Variants in TYMS observed in about 807,000 individuals in gnomAD.
TYMS encodes the protein thymidylate synthetase.
Under a neutral mutation model 39.3 loss-of-function variants are expected in TYMS, and 21 were observed. The ratio of observed to expected loss-of-function variants is 0.54; its 90% CI spans 0.38 to 0.77. TYMS has a LOEUF of 0.77. TYMS is among the 30% of genes least tolerant of loss of function. TYMS has a pLI of 0.00. For synonymous variants in TYMS, 171 were observed against 162.2 expected (o/e 1.05, Z -0.41); for missense variants, 273 against 406.7 (o/e 0.67, Z 2.83).
rs1288512911 is a variant in TYMS at position 666,985 on chromosome 18, GGT to G, written c.455-2085_455-2084del. 2.7e-4 allele frequency among the ~76,000 whole-genome samples: 2 copies of G among 7,274 alleles called. 1 individual carries two copies. The highest frequency in any genetic ancestry group is 7.4e-4 in the Non-Finnish European group (2 of 2,700). 4.8% of individuals were successfully genotyped at this position (7,274 alleles called of 152,430 possible). On this transcript the variant is annotated intron_variant, in intron 3 of 6. Coordinates refer to ENST00000323274, the MANE Select transcript of TYMS (RefSeq NM_001071.4). ...TGGAGATGGTGATGGAGATGGAGAT[GGT>G]GATGGTGATGGAGATGGTGATGGTG...
Position 666,914 on chromosome 18 carries a change from GTGATGGAGATGGT to G in TYMS, c.455-2157_455-2145del, listed in dbSNP as rs1567989407. 9.2e-5 allele frequency among the ~76,000 whole-genome samples: 6 copies of G among 64,910 alleles called. 2 individuals are homozygous for G. In the South Asian group the frequency reaches 3.4e-3, roughly 37 times the overall value. The allele number at this position is 64,910 out of a possible 152,430, so 42.6% of individuals were successfully genotyped here. ...GGAGATGGTGATGGAGATGGTGATGGTGATGGAGATGGTGATGGTGATGGAGATGGTGATGGTG... is the reference window on the plus strand; with the variant it reads ...GGAGATGGTGATGGAGATGGTGATGGGATGGTGATGGAGATGGTGATGGTG... On this transcript the variant is annotated intron_variant, in intron 3 of 6. Coordinates refer to ENST00000323274, the MANE Select transcript of TYMS (RefSeq NM_001071.4).
At chr18:667,191 A>T (rs201322154) in intron 3 of TYMS, among the ~76,000 whole-genome samples, 175 of 39,844 alleles carry the variant, frequency 4.4e-3, no homozygotes, top group South Asian at 5.2e-3. Flanking sequence ...ATGGTGATGG[A>T]GATGGTGATG....
chr18:671,005 C>A, intron 5 of TYMS, 138 bp downstream of exon 5: 1 of 1,065,350 alleles, frequency 9.4e-7, no homozygotes, highest in South Asian at 1.7e-5. Flanking sequence ...AATGAACCAG[C>A]TTTTACTTTG....
rs1327773362 is a variant in TYMS, at chr18:667,553, AGATGGTGATGGT to A, written c.455-1513_455-1502del. ...GAGATGGTGATGGTGATGGTGATGG[AGATGGTGATGGT>A]GATGGAGATGGTGATGGTGATGGTG... On this transcript the variant is annotated intron_variant, in intron 3 of 6. Coordinates refer to ENST00000323274, the MANE Select transcript of TYMS (RefSeq NM_001071.4). Among the ~76,000 whole-genome samples the A allele has an allele frequency of 6.1e-3, 114 of 18,574 alleles. 25 individuals carry two copies. The highest frequency in any genetic ancestry group is 0.052 in the East Asian group (24 of 466). 12.2% of individuals were successfully genotyped at this position (18,574 alleles called of 152,430 possible).
intron 3 of TYMS, 83 bp from the exon 4 acceptor site, chr18:668,989 C>A: frequency 8.6e-7 from 1 of 1,159,798 alleles, no homozygotes; most frequent in Non-Finnish European, 1.3e-6. Flanking sequence ...GGGTAAGAGA[C>A]TGTAATAGAT....
intron 6 of TYMS, 59 bp from the exon 7 acceptor site, chr18:672,801 G>C (rs565099702): frequency 2.0e-6 from 3 of 1,507,072 alleles, no homozygotes; most frequent in African/African-American, 2.8e-5. Context: ...ACGGACATGA[G>C]GAGCAATTAC....
chr18:672,804 G>A, intron 6 of TYMS, 56 bp from the exon 7 acceptor site: 3 of 1,510,814 alleles, frequency 2.0e-6, no homozygotes, highest in East Asian at 2.3e-5. Flanking sequence ...GACATGAGGA[G>A]CAATTACAAC....
intron 3 of TYMS, among the ~76,000 whole-genome samples, chr18:666,660 G>A (rs2074821478): frequency 6.6e-6 from 1 of 152,208 alleles, no homozygotes; most frequent in Non-Finnish European, 1.5e-5. Context: ...GCCTGGTGAT[G>A]TCAGAATTCT....
chr18:666,981 A>T (rs2847610), intron 3 of TYMS, among the ~76,000 whole-genome samples: 1,423 of 7,374 alleles, frequency 0.19, 104 homozygotes, highest in Admixed American at 0.23. Flanking sequence ...ATGGAGATGG[A>T]GATGGTGATG....
rs1165012199 is a variant in TYMS at position 658,315 on chromosome 18, A to G, written c.205+368A>G. 1 of 1,377,096 alleles carries G rather than the reference A, an allele frequency of 7.3e-7. No homozygotes were observed. The highest frequency in any genetic ancestry group is 1.5e-5 in the African/African-American group (1 of 68,530). The allele number at this position is 1,377,096 out of a possible 1,614,324, so 85.3% of individuals were successfully genotyped here. A position where few individuals can be genotyped will look rare whatever the true frequency, so the allele number is the denominator to read the frequency against. On this transcript the variant is annotated intron_variant, in intron 1 of 6. Transcript: ENST00000323274. This position sits in a 1 kb window ranked among gnomAD's most constrained non-coding sequence, Gnocchi z 4.5. Reference sequence around the variant, plus strand: ...CTGGGCTTGACCGCGCGCCGGTCTCAAAGTCCTGGCTTTGGCCCCTCCTCC... The same window carrying G: ...CTGGGCTTGACCGCGCGCCGGTCTCGAAGTCCTGGCTTTGGCCCCTCCTCC...
chr18:673,134 T>C lies in TYMS; in HGVS notation c.*137T>C. 1.0e-6 allele frequency: 1 copy of C among 983,990 alleles called. No individual in the cohort carries two copies. Among genetic ancestry groups the C allele is most frequent in the Non-Finnish European group, 1.4e-6 (1 of 705,070 alleles). 61.0% of individuals were successfully genotyped at this position (983,990 alleles called of 1,614,324 possible). A position where few individuals can be genotyped will look rare whatever the true frequency, so the allele number is the denominator to read the frequency against. ...TCCGTGACCTATCAGTTATTAATTT[T>C]TAAGGATGTTGCCACTGGCAAATGT... On this transcript the variant is annotated 3_prime_UTR_variant, in exon 7 of 7. Coordinates refer to ENST00000323274, the MANE Select transcript of TYMS (RefSeq NM_001071.4).
Position 657,775 on chromosome 18 carries a change from G to T in TYMS, c.33G>T (p.Arg11=). The T allele has an allele frequency of 6.9e-7, 1 of 1,441,254 alleles. No homozygotes were observed. Among genetic ancestry groups the T allele is most frequent in the South Asian group, 1.4e-5 (1 of 69,084 alleles). The allele number at this position is 1,441,254 out of a possible 1,614,324, so 89.3% of individuals were successfully genotyped here. MPVAGSELPR[R]PLPPAAQERD... ...TGGCCGGCTCGGAGCTGCCGCGCCG[G>T]CCCTTGCCCCCCGCCGCACAGGAGC... is the stretch of plus-strand genomic sequence containing the variant. Residue 11 remains arginine (R), a synonymous_variant, in exon 1 of 7, where the codon CGG becomes CGT. Transcript: ENST00000323274.
At chr18:659,777 C>T (rs1344844463) in intron 2 of TYMS, 63 bp downstream of exon 2, 2 of 1,430,542 alleles carry the variant, frequency 1.4e-6, no homozygotes, top group Non-Finnish European at 2.0e-6. Flanking sequence ...CAGTGAGATC[C>T]TTTCAAAACT....
chr18:661,161 T>G (rs2074752328), intron 2 of TYMS, among the ~76,000 whole-genome samples: 2 of 152,230 alleles, frequency 1.3e-5, no homozygotes, highest in Admixed American at 6.5e-5. Flanking sequence ...GAGAAATTTC[T>G]TTGATTTGTT....
At chr18:667,499 A>T (rs868607037) in intron 3 of TYMS, among the ~76,000 whole-genome samples, 102 of 10,174 alleles carry the variant, frequency 0.01, 7 homozygotes, top group Non-Finnish European at 0.011. Flanking sequence ...ATGGTGATGG[A>T]GATGGTGATG....
At position 658,368 on chromosome 18, in the gene TYMS, G is replaced by C; in HGVS notation, c.205+421G>C. The C allele has an allele frequency of 7.8e-7, 1 of 1,283,614 alleles. No homozygotes were observed. Among genetic ancestry groups the C allele is most frequent in the Non-Finnish European group, 1.0e-6 (1 of 985,746 alleles). 79.5% of individuals were successfully genotyped at this position (1,283,614 alleles called of 1,614,324 possible). A position where few individuals can be genotyped will look rare whatever the true frequency, so the allele number is the denominator to read the frequency against. ...TTTCCCCTGTGGACCATTCCGCTTC[G>C]CAGCGTTTTCAAAAACTGGAGCGAA... On this transcript the variant is annotated intron_variant, in intron 1 of 6. Coordinates refer to ENST00000323274, the MANE Select transcript of TYMS (RefSeq NM_001071.4). This position sits in a 1 kb window ranked among gnomAD's most constrained non-coding sequence, Gnocchi z 4.5.
Position 658,273 on chromosome 18 carries a change from G to T in TYMS, c.205+326G>T. 1.4e-6 allele frequency: 2 copies of T among 1,442,044 alleles called. No individual in the cohort carries two copies. Among genetic ancestry groups the T allele is most frequent in the Non-Finnish European group, 1.9e-6 (2 of 1,077,268 alleles). The allele number at this position is 1,442,044 out of a possible 1,614,324, so 89.3% of individuals were successfully genotyped here. ...CGGGCAGCGTTTGCCCAGTGCTGGA[G>T]GGTTAGGGAGAGCTGCCTGGGCTTG... On this transcript the variant is annotated intron_variant, in intron 1 of 6. Transcript: ENST00000323274. This position sits in a 1 kb window ranked among gnomAD's most constrained non-coding sequence, Gnocchi z 4.5.
chr18:666,720 AAAT>A (rs1344147696), intron 3 of TYMS, among the ~76,000 whole-genome samples: 1 of 152,234 alleles, frequency 6.6e-6, no homozygotes, highest in African/African-American at 2.4e-5. Flanking sequence ...GAGATCTGTT[AAAT>A]GTTAGCAACT....
At position 657,751 on chromosome 18, in the gene TYMS, G is replaced by A; in HGVS notation, c.9G>A (p.Val3=). Residue 3 remains valine, a synonymous_variant, in exon 1 of 7, where the codon GTG becomes GTA. Transcript: ENST00000323274. ...CCCCCGCCCGCCGCGCCATGCCTGTGGCCGGCTCGGAGCTGCCGCGCCGGC... is the reference window on the plus strand; with the variant it reads ...CCCCCGCCCGCCGCGCCATGCCTGTAGCCGGCTCGGAGCTGCCGCGCCGGC... MP[V]AGSELPRRPL... The A allele has an allele frequency of 7.1e-7, 1 of 1,406,926 alleles. No individual in the cohort carries two copies. The highest frequency in any genetic ancestry group is 9.2e-7 in the Non-Finnish European group (1 of 1,089,868). 87.2% of individuals were successfully genotyped at this position (1,406,926 alleles called of 1,614,324 possible).
Sources: allele counts gnomAD v4.1 joint callset (sites outside exome capture counted in the v4.1 genomes callset), GRCh38; gene constraint gnomAD v4.1.1; non-coding constraint Gnocchi (gnomAD v3.1); transcripts MANE v1.5; gene names NCBI Gene and HGNC (gene_info 2026-07-23, HGNC 2026-07-21).